DPT: variants seen among roughly 807,000 people sequenced by gnomAD.
DPT encodes tyrosine-rich acidic matrix protein.
DPT carries 21 observed loss-of-function variants against 31.2 expected under a neutral mutation model. The observed-to-expected ratio is 0.67, with a 90% CI of 0.48 to 0.97. DPT has a LOEUF of 0.97. Among genes scored for constraint, DPT ranks in the 50% least tolerant of loss-of-function variants. The pLI, the probability that DPT is intolerant of heterozygous loss-of-function variation, is 0.00. For missense variants in DPT, 262 were observed against 258.8 expected, an observed-to-expected ratio of 1.01 and a Z score of -0.08; for synonymous variants, 91 against 86.9, an observed-to-expected ratio of 1.05 and a Z score of -0.26.
intron 2 of DPT, among the ~76,000 whole-genome samples, chr1:168,703,199 A>G (rs1649641942): frequency 1.3e-5 from 2 of 152,198 alleles, no homozygotes; most frequent in African/African-American, 4.8e-5. Context: ...TTTTTTTGCT[A>G]AGGCAGAATC....
chr1:168,697,618 A>C (rs551026202), intron 3 of DPT, among the ~76,000 whole-genome samples: 1 of 152,198 alleles, frequency 6.6e-6, no homozygotes, highest in African/African-American at 2.4e-5. Context: ...TTTAAGAGAA[A>C]TGTTTTGAGT....
At position 168,729,182 on chromosome 1, in the gene DPT, G is replaced by C. The variant is rs1189239905; in HGVS notation, c.-8C>G. 1 of 1,609,070 alleles carries C rather than the reference G, an allele frequency of 6.2e-7. No homozygotes were observed. Among genetic ancestry groups the C allele is most frequent in the Non-Finnish European group, 8.5e-7 (1 of 1,176,936 alleles). ...GAGAAGACTGAGGTCCATGCTGCCT[G>C]GGATTTTGGCAAACAATGTCACTCT... is the stretch of plus-strand genomic sequence containing the variant. On this transcript the variant is annotated 5_prime_UTR_variant, in exon 1 of 4. Coordinates refer to ENST00000367817, the MANE Select transcript of DPT (RefSeq NM_001937.5).
At chr1:168,720,611 C>T (rs571552829) in intron 1 of DPT, among the ~76,000 whole-genome samples, 1 of 152,002 alleles carries the variant, frequency 6.6e-6, no homozygotes, top group Non-Finnish European at 1.5e-5. Flanking sequence ...CTTTTTTTTC[C>T]CAGCTTCACA....
intron 2 of DPT, 100 bp from the exon 3 acceptor site, chr1:168,701,224 C>T: frequency 1.1e-6 from 1 of 906,206 alleles, no homozygotes; most frequent in Non-Finnish European, 1.8e-6. Context: ...GTTTGAGCAT[C>T]CTGGCAAATC....
chr1:168,706,899 T>C (rs1224725352), intron 2 of DPT, among the ~76,000 whole-genome samples: 5 of 152,180 alleles, frequency 3.3e-5, no homozygotes, highest in Non-Finnish European at 4.4e-5. Flanking sequence ...TTAGCCACAT[T>C]ATGTGGTGGT....
chr1:168,723,689 T>G (rs1650171121), intron 1 of DPT, among the ~76,000 whole-genome samples: 1 of 152,206 alleles, frequency 6.6e-6, no homozygotes, highest in African/African-American at 2.4e-5. Flanking sequence ...TTTATTCAGT[T>G]TTTAATTGCT....
chr1:168,728,757 G>A (rs1650306232), intron 1 of DPT, 113 bp downstream of exon 1: 3 of 1,331,532 alleles, frequency 2.3e-6, no homozygotes, highest in Non-Finnish European at 2.1e-6. Flanking sequence ...GGTTTGGGGT[G>A]GGATTTGCCC....
chr1:168,703,081 G>C (rs957926393), intron 2 of DPT, among the ~76,000 whole-genome samples: 1 of 152,114 alleles, frequency 6.6e-6, no homozygotes, highest in Admixed American at 6.5e-5. Context: ...GGGTGGGAGG[G>C]GGTGTGTGTT....
intron 2 of DPT, among the ~76,000 whole-genome samples, chr1:168,707,718 T>C (rs1221753154): frequency 1.3e-5 from 2 of 152,158 alleles, no homozygotes; most frequent in African/African-American, 2.4e-5. Context: ...TGATCGTGAG[T>C]GAGTTCTCAC....
intron 1 of DPT, among the ~76,000 whole-genome samples, chr1:168,725,536 AG>A (rs2101914013): frequency 6.6e-6 from 1 of 152,204 alleles, no homozygotes; most frequent in Non-Finnish European, 1.5e-5. Context: ...TGCTGACCCA[AG>A]TTAGAGCAGA....
Position 168,729,134 on chromosome 1 carries a change from G to A in DPT, c.41C>T (p.Thr14Ile). The A allele has an allele frequency of 6.2e-7, 1 of 1,614,152 alleles. No homozygotes were observed. Among genetic ancestry groups the A allele is most frequent in the Non-Finnish European group, 8.5e-7 (1 of 1,180,018 alleles). ...ATCGCCATACTGGCCCCAGGCCATG[G>A]TGACTAGGGGCAGAAGTACCCAGAG... ...SLLWVLLPLV[T>I]MAWGQYGDYG... Residue 14 changes from threonine to isoleucine, a missense_variant, in exon 1 of 4, where the codon ACC (threonine) becomes ATC (isoleucine). Physicochemically the swap from Thr to Ile is moderately conservative, Grantham distance 89. Coordinates refer to ENST00000367817, the MANE Select transcript of DPT (RefSeq NM_001937.5).
chr1:168,702,753 A>T (rs1649630564), intron 2 of DPT, among the ~76,000 whole-genome samples: 1 of 151,980 alleles, frequency 6.6e-6, no homozygotes, highest in South Asian at 2.1e-4. Flanking sequence ...CTGGGATTAC[A>T]GGTGTGTGCC....
chr1:168,697,910 G>A (rs1419075465), intron 3 of DPT, among the ~76,000 whole-genome samples: 3 of 152,160 alleles, frequency 2.0e-5, no homozygotes, highest in Admixed American at 6.5e-5. Flanking sequence ...GTAATCTTAA[G>A]CCCAGAAGAA....
Position 168,701,091 on chromosome 1 carries a change from C to G in DPT, c.465G>C (p.Glu155Asp), listed in dbSNP as rs754984002. 8 of 1,613,838 alleles carry G rather than the reference C, an allele frequency of 5.0e-6. No individual in the cohort carries two copies. Among genetic ancestry groups the G allele is most frequent in the Non-Finnish European group, 5.9e-6 (7 of 1,179,890 alleles). The change falls in exon 3 of 4, where the codon GAG becomes GAC. Residue 155 changes from glutamate to aspartate, a missense_variant. Coordinates refer to ENST00000367817, the MANE Select transcript of DPT (RefSeq NM_001937.5). ...LTTEYPGHYG[E>D]EMDMISYNYD... Reference sequence around the variant, plus strand: ...AATTGTAGGAAATCATGTCCATTTCCTCACCATAGTGACCTGGATATTCTG... The same window carrying G: ...AATTGTAGGAAATCATGTCCATTTCGTCACCATAGTGACCTGGATATTCTG...
rs1457189695 is a variant in DPT at position 168,728,989 on chromosome 1, G to A, written c.186C>T (p.Ile62=). 6.2e-7 allele frequency: 1 copy of A among 1,614,082 alleles called. No homozygotes were observed. The highest frequency in any genetic ancestry group is 8.5e-7 in the Non-Finnish European group (1 of 1,180,056). Reference sequence around the variant, plus strand: ...TGTCAGAACCTTCCTTCTTGCTGAAGATGCTCCTCACGGCCACTATCACCT... The same window carrying A: ...TGTCAGAACCTTCCTTCTTGCTGAAAATGCTCCTCACGGCCACTATCACCT... ...QGQVIVAVRS[I]FSKKEGSDRQ... Residue 62 remains isoleucine, a synonymous_variant, in exon 1 of 4, where the codon ATC becomes ATT. Coordinates refer to ENST00000367817, the MANE Select transcript of DPT (RefSeq NM_001937.5).
intron 2 of DPT, among the ~76,000 whole-genome samples, chr1:168,705,266 G>T (rs377715334): frequency 6.6e-6 from 1 of 152,178 alleles, no homozygotes; most frequent in Admixed American, 6.5e-5. Flanking sequence ...ACTGAGATGT[G>T]TTTGTTACAG....
intron 1 of DPT, among the ~76,000 whole-genome samples, chr1:168,717,824 G>A (rs904045880): frequency 6.6e-6 from 1 of 152,158 alleles, no homozygotes; most frequent in Non-Finnish European, 1.5e-5. Flanking sequence ...CTCATCAGGA[G>A]TATACTAATC....
chr1:168,715,262 T>C (rs1448033018), intron 1 of DPT, among the ~76,000 whole-genome samples: 1 of 152,246 alleles, frequency 6.6e-6, no homozygotes, highest in Non-Finnish European at 1.5e-5. Context: ...AATAGTACAA[T>C]CATTTCTTCC....
At chr1:168,707,168 T>C (rs1649738429) in intron 2 of DPT, among the ~76,000 whole-genome samples, 1 of 152,210 alleles carries the variant, frequency 6.6e-6, no homozygotes, top group African/African-American at 2.4e-5. Context: ...CCCTCATCTG[T>C]ATGATAGTAT....
Sources: gnomAD v4.1 joint callset for allele counts (sites outside exome capture counted in the v4.1 genomes callset) on GRCh38, gnomAD v4.1.1 for gene constraint, MANE v1.5 for transcripts, NCBI Gene and HGNC (gene_info 2026-07-23, HGNC 2026-07-21) for gene names.